FBXO36: variants seen among roughly 807,000 people sequenced by gnomAD.
The protein encoded by FBXO36 is F-box protein 36.
Under a neutral mutation model 17.0 loss-of-function variants are expected in FBXO36, and 18 were observed. The observed-to-expected ratio is 1.06, with a 90% CI of 0.73 to 1.57. The LOEUF is 1.57. FBXO36 is among the 40% of genes most tolerant of loss of function. FBXO36 has a pLI of 0.00. For synonymous variants in FBXO36, 83 were observed against 85.3 expected, an observed-to-expected ratio of 0.97 and a Z score of 0.15; for missense variants, 229 against 221.9, an observed-to-expected ratio of 1.03 and a Z score of -0.20.
chr2:229,953,468 G>A (rs1211976412), intron 1 of FBXO36, among the ~76,000 whole-genome samples: 1 of 151,960 alleles, frequency 6.6e-6, no homozygotes, highest in Non-Finnish European at 1.5e-5. Flanking sequence ...TTGAGCTCAG[G>A]AGTTTGAGAC....
chr2:229,934,609 C>A (rs935781903), intron 1 of FBXO36, among the ~76,000 whole-genome samples: 5 of 152,198 alleles, frequency 3.3e-5, no homozygotes, highest in African/African-American at 1.2e-4. Context: ...AATACTGGCA[C>A]CAAATCAGTC....
chr2:229,944,801 G>A (rs1179204146), intron 1 of FBXO36, among the ~76,000 whole-genome samples: 1 of 151,884 alleles, frequency 6.6e-6, no homozygotes, highest in Non-Finnish European at 1.5e-5. Flanking sequence ...CACCATGTTA[G>A]CCAGGATGGT....
chr2:229,985,346 A>G (rs945885102), intron 2 of FBXO36, among the ~76,000 whole-genome samples: 5 of 152,162 alleles, frequency 3.3e-5, no homozygotes, highest in Non-Finnish European at 7.3e-5. Context: ...TCCATCCAAT[A>G]GGAGGTAGGT....
At chr2:229,962,498 TTTTTA>T (rs150685147) in intron 1 of FBXO36, among the ~76,000 whole-genome samples, 27,965 of 127,062 alleles carry the variant, frequency 0.22, 3,007 homozygotes, top group East Asian at 0.28. Context: ...ACCTAGTTGA[TTTTTA>T]TTTTATTTTA....
chr2:229,966,337 C>T (rs2077152627), intron 1 of FBXO36, among the ~76,000 whole-genome samples: 1 of 152,138 alleles, frequency 6.6e-6, no homozygotes, highest in South Asian at 2.1e-4. Flanking sequence ...GTTGCCTGTT[C>T]ACTCTGATGG....
intron 2 of FBXO36, among the ~76,000 whole-genome samples, chr2:229,987,887 G>A (rs886234743): frequency 3.9e-5 from 6 of 152,042 alleles, no homozygotes; most frequent in African/African-American, 1.4e-4. Context: ...TCCCACCTTG[G>A]CCTCCCAAAG....
intron 2 of FBXO36, among the ~76,000 whole-genome samples, chr2:229,983,387 A>G (rs1156756084): frequency 1.3e-5 from 2 of 150,570 alleles, no homozygotes; most frequent in Non-Finnish European, 3.0e-5. Flanking sequence ...AAAAAAAAAC[A>G]AAAACAAACA....
At chr2:229,922,685 C>T in intron 1 of FBXO36, 76 bp downstream of exon 1, 1 of 1,495,378 alleles carries the variant, frequency 6.7e-7, no homozygotes. Context: ...GCAGGCTGTG[C>T]TAGGCCAAGA....
At chr2:229,982,847 G>T (rs1215922440) in intron 2 of FBXO36, among the ~76,000 whole-genome samples, 2 of 151,564 alleles carry the variant, frequency 1.3e-5, no homozygotes, top group Admixed American at 1.3e-4. Context: ...GCCGTGTGAG[G>T]TCCCATATTC....
intron 1 of FBXO36, chr2:229,932,858 TG>T: frequency 3.1e-6 from 1 of 320,660 alleles, no homozygotes; most frequent in Non-Finnish European, 6.6e-6. Context: ...TCACGACGTC[TG>T]GAGTTGGAGA....
chr2:229,972,639 C>A (rs1356724934), intron 1 of FBXO36, among the ~76,000 whole-genome samples: 1 of 151,944 alleles, frequency 6.6e-6, no homozygotes, highest in Non-Finnish European at 1.5e-5. Context: ...TGTCATCCCA[C>A]CGACATTCAG....
chr2:229,976,502 CTG>C (rs2077209154), intron 2 of FBXO36, 153 bp downstream of exon 2: 2 of 605,388 alleles, frequency 3.3e-6, no homozygotes, highest in Non-Finnish European at 2.8e-6. Flanking sequence ...AACTAGAAAA[CTG>C]TTGTTTTTTT....
chr2:229,965,243 G>C (rs2077145713), intron 1 of FBXO36, among the ~76,000 whole-genome samples: 2 of 148,190 alleles, frequency 1.3e-5, no homozygotes, highest in South Asian at 2.1e-4. Context: ...GCCTCCCAAA[G>C]TGTTGGGGTT....
intron 3 of FBXO36, among the ~76,000 whole-genome samples, chr2:230,007,023 G>A (rs2077390388): frequency 6.6e-6 from 1 of 152,254 alleles, no homozygotes; most frequent in East Asian, 1.9e-4. Flanking sequence ...CCTGGAGCCT[G>A]CAGCCTGGAG....
At position 229,926,432 on chromosome 2, in the gene FBXO36, AAAAT is replaced by A. The variant is rs572576240; in HGVS notation, c.96+3842_96+3845del. On this transcript the variant is annotated intron_variant, in intron 1 of 3. Coordinates refer to ENST00000283946, the MANE Select transcript of FBXO36 (RefSeq NM_174899.5). ...GGCAACAAAGCAAGACTCAGTCTTTAAAATAAATAAATAAATAAATAAGATTTAC... is the reference window on the plus strand; with the variant it reads ...GGCAACAAAGCAAGACTCAGTCTTTAAAATAAATAAATAAATAAGATTTAC... Among the ~76,000 whole-genome samples, 337 of 152,054 alleles carry A rather than the reference AAAAT, an allele frequency of 2.2e-3. 2 individuals are homozygous for A. The highest frequency in any genetic ancestry group is 7.7e-3 in the African/African-American group (321 of 41,470).
intron 2 of FBXO36, among the ~76,000 whole-genome samples, chr2:229,994,968 GC>G (rs1171128689): frequency 6.6e-6 from 1 of 152,050 alleles, no homozygotes; most frequent in Non-Finnish European, 1.5e-5. Flanking sequence ...ACAAAAATTA[GC>G]CGGGCATGGT....
intron 2 of FBXO36, among the ~76,000 whole-genome samples, chr2:229,984,516 G>A (rs1049135384): frequency 8.7e-5 from 13 of 150,106 alleles, no homozygotes; most frequent in African/African-American, 2.9e-4. Context: ...AGCCTCCCAA[G>A]TAGCTGGGAC....
intron 1 of FBXO36, among the ~76,000 whole-genome samples, chr2:229,974,740 A>T (rs974689729): frequency 2.0e-5 from 3 of 152,162 alleles, no homozygotes; most frequent in Admixed American, 1.3e-4. Context: ...CTTGCCCATT[A>T]ATATTAAATA....
chr2:229,936,126 T>C (rs978109085), intron 1 of FBXO36, among the ~76,000 whole-genome samples: 3 of 152,060 alleles, frequency 2.0e-5, no homozygotes, highest in African/African-American at 7.2e-5. Context: ...GAGGTTGCAG[T>C]GAACCGAGGT....
Sources: gnomAD v4.1 joint callset for allele counts (sites outside exome capture counted in the v4.1 genomes callset) on GRCh38, gnomAD v4.1.1 for gene constraint, MANE v1.5 for transcripts, NCBI Gene and HGNC (gene_info 2026-07-23, HGNC 2026-07-21) for gene names.